Variants in TRPM3 observed in about 807,000 individuals in gnomAD.
The protein encoded by TRPM3 is transient receptor potential cation channel subfamily M member 3.
TRPM3 carries 77 observed loss-of-function variants against 181.2 expected under a neutral mutation model. The ratio of observed to expected loss-of-function variants is 0.42; its 90% confidence interval spans 0.35 to 0.51. TRPM3 has a LOEUF of 0.51. TRPM3 is among the 20% of genes least tolerant of loss of function. The probability of loss-of-function intolerance (pLI) is 0.01; values close to 1 mark genes in which losing one functional copy is unlikely to be tolerated. For synonymous variants in TRPM3, 745 were observed against 796.4 expected (o/e 0.94, Z 1.09); for missense variants, 1,759 against 2,196.7 (o/e 0.80, Z 3.98).
At chr9:70,696,704 T>C (rs1025050691) in intron 8 of TRPM3, among the ~76,000 whole-genome samples, 3 of 152,192 alleles carry the variant, frequency 2.0e-5, no homozygotes, top group Non-Finnish European at 4.4e-5. Context: ...CTAAATTTTG[T>C]TTAATATATC....
chr9:70,830,580 G>C (rs2131738191), intron 5 of TRPM3, among the ~76,000 whole-genome samples: 1 of 152,246 alleles, frequency 6.6e-6, no homozygotes. Context: ...TTTGTCTGCT[G>C]AATAATAAGG....
intron 1 of TRPM3, among the ~76,000 whole-genome samples, chr9:71,167,636 G>A (rs2076602864): frequency 6.6e-6 from 1 of 152,110 alleles, no homozygotes; most frequent in Non-Finnish European, 1.5e-5. Flanking sequence ...AGAATTCTGA[G>A]AGCCATAGGC....
At chr9:71,358,679 A>G (rs1341244099) in intron 1 of TRPM3, among the ~76,000 whole-genome samples, 1 of 152,204 alleles carries the variant, frequency 6.6e-6, no homozygotes, top group African/African-American at 2.4e-5. Flanking sequence ...TGTAGTTAGG[A>G]AACTAGAAAG....
chr9:70,901,697 T>C (rs981871896), intron 1 of TRPM3, among the ~76,000 whole-genome samples: 1 of 152,182 alleles, frequency 6.6e-6, no homozygotes, highest in Non-Finnish European at 1.5e-5. Flanking sequence ...GAAAGATCAA[T>C]TGACTTTGAA....
In TRPM3 at chr9:71,142,261, G is replaced by A. The variant is rs189204625; in HGVS notation, c.184-277750C>T. Among the ~76,000 whole-genome samples the A allele has an allele frequency of 1.0e-3, 154 of 152,150 alleles. 1 individual carries two copies. Among genetic ancestry groups the A allele is most frequent in the Non-Finnish European group, 1.9e-3 (131 of 68,012 alleles). On this transcript the variant is annotated intron_variant, in intron 1 of 24. Transcript: ENST00000357533. ...CTCTTGGCAGAGCATCTCCAAAACC[G>A]TTTTGCATGTGGTGGCCACTCTCTT...
intron 1 of TRPM3, among the ~76,000 whole-genome samples, chr9:70,948,367 C>A (rs575670966): frequency 6.6e-6 from 1 of 152,088 alleles, no homozygotes; most frequent in Admixed American, 6.6e-5. Context: ...TTGCTGAAAA[C>A]GAAATATACT....
intron 1 of TRPM3, among the ~76,000 whole-genome samples, chr9:71,027,707 A>G (rs1178048087): frequency 6.6e-6 from 1 of 152,212 alleles, no homozygotes; most frequent in Admixed American, 6.5e-5. Flanking sequence ...AGCTGAGGAA[A>G]AAATCTCAGA....
At chr9:71,341,621 T>C (rs991478075) in intron 1 of TRPM3, among the ~76,000 whole-genome samples, 7 of 150,892 alleles carry the variant, frequency 4.6e-5, no homozygotes, top group Non-Finnish European at 5.9e-5. Flanking sequence ...GAGAACTAAA[T>C]TCAGTGTAGA....
chr9:70,949,200 C>G (rs2096968786), intron 1 of TRPM3, among the ~76,000 whole-genome samples: 1 of 141,646 alleles, frequency 7.1e-6, no homozygotes, highest in African/African-American at 2.6e-5. Flanking sequence ...GTGGGTGGAA[C>G]AGTAGTCTTT....
intron 8 of TRPM3, among the ~76,000 whole-genome samples, chr9:70,748,517 C>G (rs1373302575): frequency 6.6e-6 from 1 of 152,146 alleles, no homozygotes; most frequent in Non-Finnish European, 1.5e-5. Flanking sequence ...TTCATATTGA[C>G]TCTTAATCAC....
intron 1 of TRPM3, among the ~76,000 whole-genome samples, chr9:71,309,180 C>T (rs1426029203): frequency 6.6e-6 from 1 of 152,176 alleles, no homozygotes; most frequent in Admixed American, 6.6e-5. Flanking sequence ...TTCAAAAAGA[C>T]TCACAACAAC....
Position 71,013,781 on chromosome 9 carries a change from G to T in TRPM3, c.177+107397C>A, listed in dbSNP as rs568972969. Reference sequence around the variant, plus strand: ...TGGTGTTTATCCATTGCCATCTCTTGTTTTGTACATTTGTAACTTTCCCCA... The same window carrying T: ...TGGTGTTTATCCATTGCCATCTCTTTTTTTGTACATTTGTAACTTTCCCCA... On this transcript the variant is annotated intron_variant, in intron 1 of 25. Transcript: ENST00000677713. 2.0e-5 allele frequency among the ~76,000 whole-genome samples: 3 copies of T among 151,854 alleles called. No individual in the cohort carries two copies. In the South Asian group the frequency reaches 6.2e-4, roughly 32 times the overall value.
chr9:70,892,529 A>T (rs572376948), intron 1 of TRPM3, among the ~76,000 whole-genome samples: 2 of 151,444 alleles, frequency 1.3e-5, no homozygotes, highest in East Asian at 3.9e-4. Context: ...TTAATATTTT[A>T]TACTTTTGGA....
chr9:70,805,264 G>A (rs908910696), intron 6 of TRPM3, among the ~76,000 whole-genome samples: 20 of 151,252 alleles, frequency 1.3e-4, no homozygotes, highest in African/African-American at 4.9e-4. Flanking sequence ...GAGAGACAGA[G>A]AGACAGAGAG....
intron 1 of TRPM3, among the ~76,000 whole-genome samples, chr9:71,297,483 A>G (rs77274515): frequency 0.057 from 8,649 of 152,214 alleles, 796 homozygotes; most frequent in African/African-American, 0.2. Context: ...GAAACTTACA[A>G]TAATGGTGGA....
At chr9:71,118,357 T>G (rs888292932) in intron 1 of TRPM3, among the ~76,000 whole-genome samples, 3 of 152,232 alleles carry the variant, frequency 2.0e-5, no homozygotes, top group African/African-American at 7.2e-5. Context: ...CTCATTGGGT[T>G]TAATTCATAC....
intron 1 of TRPM3, among the ~76,000 whole-genome samples, chr9:71,337,514 A>C (rs2132580947): frequency 6.6e-6 from 1 of 152,288 alleles, no homozygotes; most frequent in South Asian, 2.1e-4. Flanking sequence ...GGAAGACAAA[A>C]GTGTGGCAAT....
chr9:71,362,365 A>G (rs1300476883), intron 1 of TRPM3, among the ~76,000 whole-genome samples: 1 of 152,194 alleles, frequency 6.6e-6, no homozygotes, highest in African/African-American at 2.4e-5. Context: ...AAAATAGTCA[A>G]AGATGCTCAC....
intron 7 of TRPM3, among the ~76,000 whole-genome samples, chr9:70,783,287 ATG>A (rs1356053366): frequency 6.6e-6 from 1 of 152,166 alleles, no homozygotes; most frequent in Non-Finnish European, 1.5e-5. Context: ...CACAAATTTC[ATG>A]TGTTAGGGGA....
Sources: gnomAD v4.1 joint callset for allele counts (sites outside exome capture counted in the v4.1 genomes callset) on GRCh38, gnomAD v4.1.1 for gene constraint, MANE v1.5 for transcripts, NCBI Gene and HGNC (gene_info 2026-07-23, HGNC 2026-07-21) for gene names.